GNA11: variants seen among roughly 807,000 people sequenced by gnomAD.
GNA11 encodes G protein subunit alpha 11.
A neutral mutation model predicts 38.2 loss-of-function variants in GNA11; 8 were observed. The observed-to-expected ratio is 0.21, with a 90% CI of 0.12 to 0.38. The LOEUF (loss-of-function observed/expected upper bound fraction) is 0.38. GNA11 is among the 10% of genes least tolerant of loss of function. The pLI is 1.00. For missense variants in GNA11, 268 were observed against 516.3 expected, an observed-to-expected ratio of 0.52 and a Z score of 4.66; for synonymous variants, 211 against 221.4, an observed-to-expected ratio of 0.95 and a Z score of 0.42.
chr19:3,102,062 C>T (rs1913519264), intron 1 of GNA11, among the ~76,000 whole-genome samples: 1 of 152,054 alleles, frequency 6.6e-6, no homozygotes, highest in Non-Finnish European at 1.5e-5. Context: ...CACCACTGCA[C>T]TCCAGCCTGG....
In GNA11 at chr19:3,119,274, C is replaced by A. The variant is rs750681091; in HGVS notation, c.804C>A (p.Ser268=). 1.2e-6 allele frequency: 2 copies of A among 1,613,636 alleles called. No homozygotes were observed. Among genetic ancestry groups the A allele is most frequent in the East Asian group, 2.2e-5 (1 of 44,878 alleles). Residue 268 remains serine (S), a synonymous_variant, in exon 6 of 7, where the codon TCC becomes TCA. Coordinates refer to ENST00000078429, the MANE Select transcript of GNA11 (RefSeq NM_002067.5). This position sits in a 1 kb window ranked among gnomAD's most constrained non-coding sequence, Gnocchi z 4.6. The part of the protein sequence containing the change: ...IITYPWFQNS[S]VILFLNKKDL... ...CCTACCCCTGGTTCCAGAACTCCTC[C>A]GTCATCCTCTTCCTCAACAAGAAGG...
chr19:3,095,069 G>T (rs1011082484), intron 1 of GNA11, among the ~76,000 whole-genome samples: 1 of 151,498 alleles, frequency 6.6e-6, no homozygotes, highest in African/African-American at 2.4e-5. Context: ...GACCCTCTGG[G>T]GTCAGCCCTG....
chr19:3,113,563 C>A lies in GNA11; in HGVS notation c.476+79C>A, dbSNP rs113697084. The A allele has an allele frequency of 6.1e-6, 7 of 1,155,178 alleles. No individual in the cohort carries two copies. In the East Asian group the frequency reaches 1.9e-4, roughly 31 times the overall value. The allele number at this position is 1,155,178 out of a possible 1,614,324, so 71.6% of individuals were successfully genotyped here. On this transcript the variant is annotated intron_variant, in intron 3 of 6. Coordinates refer to ENST00000078429, the MANE Select transcript of GNA11 (RefSeq NM_002067.5). ...CTGGGACCCTTCGGGAAGGCCTCCG[C>A]GGCGTCTGTGGTGCCCCCTGCCTGC... is the stretch of plus-strand genomic sequence containing the variant.
rs2145326034 is a variant in GNA11 at position 3,118,956 on chromosome 19, G to A, written c.638G>A (p.Arg213Gln). ...MVDVGGQRSE[R>Q]RKWIHCFENV... ...GATGTGGGGGGCCAGCGGTCGGAGC[G>A]GAGGAAGTGGATCCACTGCTTTGAG... The change falls in exon 5 of 7, where the codon CGG becomes CAG. Residue 213 changes from arginine to glutamine, a missense_variant. This residue lies in a region of GNA11 where 25 missense variants were observed against 95.6 expected (regional missense o/e 0.26). Coordinates refer to ENST00000078429, the MANE Select transcript of GNA11 (RefSeq NM_002067.5). 6.2e-7 allele frequency: 1 copy of A among 1,613,400 alleles called. No homozygotes were observed. The highest frequency in any genetic ancestry group is 8.5e-7 in the Non-Finnish European group (1 of 1,179,384).
intron 1 of GNA11, among the ~76,000 whole-genome samples, chr19:3,095,554 T>C (rs573063350): frequency 7.8e-4 from 118 of 151,400 alleles, no homozygotes; most frequent in African/African-American, 2.7e-3. Context: ...CTCCTCCGTG[T>C]CCCCTATCCC....
chr19:3,103,405 G>A (rs1419973600), intron 1 of GNA11, among the ~76,000 whole-genome samples: 1 of 150,480 alleles, frequency 6.6e-6, no homozygotes, highest in Non-Finnish European at 1.5e-5. Flanking sequence ...TGGAGATGTG[G>A]TTTCACTATG....
intron 1 of GNA11, among the ~76,000 whole-genome samples, chr19:3,097,235 A>G (rs1057043054): frequency 5.3e-5 from 8 of 152,110 alleles, no homozygotes; most frequent in Non-Finnish European, 1.0e-4. Flanking sequence ...CCTGCGGCCC[A>G]CGGAATGTTC....
At chr19:3,097,146 T>A (rs1223988465) in intron 1 of GNA11, among the ~76,000 whole-genome samples, 1 of 152,136 alleles carries the variant, frequency 6.6e-6, no homozygotes, top group Non-Finnish European at 1.5e-5. Flanking sequence ...TGCCCCCGTT[T>A]TTCAGGGAGC....
At chr19:3,103,517 A>ATTTTTTTT (rs1568280006) in intron 1 of GNA11, among the ~76,000 whole-genome samples, 12 of 60,340 alleles carry the variant, frequency 2.0e-4, no homozygotes, top group Non-Finnish European at 2.5e-4. Flanking sequence ...CCGGCCTTGA[A>ATTTTTTTT]TCTTTTTTTT....
intron 1 of GNA11, among the ~76,000 whole-genome samples, chr19:3,104,083 G>A (rs761169302): frequency 7.9e-5 from 12 of 152,202 alleles, no homozygotes; most frequent in Non-Finnish European, 1.6e-4. Flanking sequence ...CGGCCTCAAA[G>A]TGCTGGGATT....
rs561795220 is a variant in GNA11 at position 3,107,454 on chromosome 19, G to A, written c.137-2695G>A. ...CAAGGGGCGGCGCCTTCTGACCCGA[G>A]TGCAGGGCCCTCCTCGCCTCCTGCC... On this transcript the variant is annotated intron_variant, in intron 1 of 6. Transcript: ENST00000078429. Among the ~76,000 whole-genome samples, 5 of 152,348 alleles carry A rather than the reference G, an allele frequency of 3.3e-5. No homozygotes were observed. The South Asian group carries it at 1.0e-3, about 32-fold the overall frequency.
chr19:3,099,340 C>T (rs1431263500), intron 1 of GNA11, among the ~76,000 whole-genome samples: 1 of 152,222 alleles, frequency 6.6e-6, no homozygotes, highest in Non-Finnish European at 1.5e-5. Flanking sequence ...CCTTGTATGG[C>T]TTGCCCACCT....
At chr19:3,100,653 G>A (rs974951217) in intron 1 of GNA11, among the ~76,000 whole-genome samples, 2 of 152,174 alleles carry the variant, frequency 1.3e-5, no homozygotes, top group African/African-American at 2.4e-5. Context: ...GGGACAGTGC[G>A]CAGCTGGCTC....
At position 3,094,845 on chromosome 19, in the gene GNA11, G is replaced by T. The variant is rs1030767956; in HGVS notation, c.136+58G>T. On this transcript the variant is annotated intron_variant, in intron 1 of 6. Coordinates refer to ENST00000078429, the MANE Select transcript of GNA11 (RefSeq NM_002067.5). This position sits in a 1 kb window ranked among gnomAD's most constrained non-coding sequence, Gnocchi z 6.0. The stretch of plus-strand genomic sequence containing the variant: ...GCCCTGCCCTGCCTGTGCCTGCCCT[G>T]CCTGTCCGGGTCGGGCCGGGACCCT... 1 of 1,326,180 alleles carries T rather than the reference G, an allele frequency of 7.5e-7. No homozygotes were observed. Among genetic ancestry groups the T allele is most frequent in the South Asian group, 1.6e-5 (1 of 62,724 alleles). The allele number at this position is 1,326,180 out of a possible 1,614,324, so 82.2% of individuals were successfully genotyped here.
rs41304768 is a variant in GNA11 at position 3,123,229 on chromosome 19, C to T, written c.*2050C>T. The T allele has an allele frequency of 5.1e-5, 12 of 233,300 alleles. No individual in the cohort carries two copies. The highest frequency in any genetic ancestry group is 1.8e-4 in the East Asian group (3 of 16,574). 14.5% of individuals were successfully genotyped at this position (233,300 alleles called of 1,614,324 possible). ...GGGTGGAGTCGCCCAGCACGCAGGC[C>T]GGGGCGCTGCGGGGCTAAGTATTAG... On this transcript the variant is annotated 3_prime_UTR_variant, in exon 7 of 7. Transcript: ENST00000078429.
At chr19:3,097,781 C>T (rs1913409676) in intron 1 of GNA11, among the ~76,000 whole-genome samples, 1 of 151,460 alleles carries the variant, frequency 6.6e-6, no homozygotes, top group Non-Finnish European at 1.5e-5. Context: ...CCGTTACGTA[C>T]AACAGGTCTC....
rs1914148504 is a variant in GNA11, at chr19:3,123,755, G to A, written c.*2576G>A. ...TGTATATTACACAGTCCTGATTTCA[G>A]ACAATTTCAACCTTAATCTATTTAA... On this transcript the variant is annotated 3_prime_UTR_variant, in exon 7 of 7. Transcript: ENST00000078429. The A allele has an allele frequency of 4.3e-6, 1 of 232,378 alleles. No individual in the cohort carries two copies. The highest frequency in any genetic ancestry group is 8.5e-6 in the Non-Finnish European group (1 of 117,564). The allele number at this position is 232,378 out of a possible 1,614,324, so 14.4% of individuals were successfully genotyped here.
At chr19:3,095,571 C>G (rs2145301348) in intron 1 of GNA11, among the ~76,000 whole-genome samples, 1 of 151,996 alleles carries the variant, frequency 6.6e-6, no homozygotes, top group African/African-American at 2.4e-5. Context: ...TCCCCACATT[C>G]CCTTCAGGGC....
intron 1 of GNA11, among the ~76,000 whole-genome samples, chr19:3,100,387 G>A (rs568158117): frequency 1.1e-4 from 17 of 152,192 alleles, no homozygotes; most frequent in Non-Finnish European, 2.4e-4. Flanking sequence ...TTCCCTTCTC[G>A]TCGCCATCGT....
Sources: gnomAD v4.1 joint callset for allele counts (sites outside exome capture counted in the v4.1 genomes callset) on GRCh38, gnomAD v4.1.1 for gene constraint, gnomAD v4.1.1 regional missense constraint, Gnocchi (gnomAD v3.1) non-coding constraint, MANE v1.5 for transcripts, NCBI Gene and HGNC (gene_info 2026-07-23, HGNC 2026-07-21) for gene names.